Variants in CSMD3 observed in about 807,000 individuals in gnomAD.
CSMD3 encodes the protein CUB and Sushi multiple domains 3, also known as CUB and sushi domain-containing protein 3.
Under a neutral mutation model 435.2 loss-of-function variants are expected in CSMD3, and 177 were observed. The ratio of observed to expected loss-of-function variants is 0.41; its 90% confidence interval spans 0.36 to 0.46. CSMD3 has a LOEUF of 0.46. CSMD3 is among the 20% of genes least tolerant of loss of function. The pLI is 0.34. For missense variants in CSMD3, 4,265 were observed against 4,504.6 expected (o/e 0.95, Z 1.52); for synonymous variants, 1,656 against 1,520.5 (o/e 1.09, Z -2.07).
intron 32 of CSMD3, among the ~76,000 whole-genome samples, chr8:112,419,549 G>A (rs1205432683): frequency 2.0e-5 from 3 of 152,058 alleles, no homozygotes; most frequent in Non-Finnish European, 4.4e-5. Context: ...TTATCTTTCT[G>A]TTAACAATTT....
chr8:112,956,231 TG>T (rs1487217514), intron 7 of CSMD3, among the ~76,000 whole-genome samples: 1 of 152,036 alleles, frequency 6.6e-6, no homozygotes, highest in Non-Finnish European at 1.5e-5. Flanking sequence ...ATTCTTTAAC[TG>T]TGAATCCTTA....
intron 10 of CSMD3, among the ~76,000 whole-genome samples, chr8:112,907,574 C>T (rs2045540): frequency 0.86 from 129,407 of 150,984 alleles, 55,770 homozygotes; most frequent in African/African-American, 0.94. Context: ...ATATATATTA[C>T]AAATAAACAG....
At chr8:113,340,640 G>A (rs1005393356) in intron 1 of CSMD3, among the ~76,000 whole-genome samples, 12 of 151,938 alleles carry the variant, frequency 7.9e-5, no homozygotes, top group Admixed American at 3.3e-4. Context: ...TTTGAGAGGC[G>A]AAGTAGGGTT....
chr8:112,250,410 T>C (rs1454778305), intron 63 of CSMD3, among the ~76,000 whole-genome samples: 1 of 151,696 alleles, frequency 6.6e-6, no homozygotes, highest in African/African-American at 2.4e-5. Flanking sequence ...GATTTAATAA[T>C]TGGTTAAATT....
At chr8:112,604,762 A>G (rs1369444089) in intron 22 of CSMD3, among the ~76,000 whole-genome samples, 2 of 152,218 alleles carry the variant, frequency 1.3e-5, no homozygotes, top group Admixed American at 1.3e-4. Flanking sequence ...AAGCAATAGC[A>G]AGAAATACAA....
intron 36 of CSMD3, among the ~76,000 whole-genome samples, chr8:112,387,843 C>A (rs1830107266): frequency 6.6e-6 from 1 of 152,114 alleles, no homozygotes; most frequent in Non-Finnish European, 1.5e-5. Flanking sequence ...GTCAAAACTC[C>A]ACTTGTGCAA....
intron 22 of CSMD3, among the ~76,000 whole-genome samples, chr8:112,610,288 T>C (rs556693964): frequency 2.0e-5 from 3 of 151,796 alleles, no homozygotes; most frequent in Non-Finnish European, 2.9e-5. Context: ...ATATCTTGAA[T>C]ACATGCAAGT....
intron 12 of CSMD3, 51 bp from the exon 13 acceptor site, chr8:112,800,325 T>G (rs1373708922): frequency 1.8e-6 from 2 of 1,121,682 alleles, no homozygotes; most frequent in Admixed American, 3.4e-5. Flanking sequence ...AAACATCCTC[T>G]GCATACAAAT....
At chr8:113,198,381 G>A (rs2092682640) in intron 3 of CSMD3, among the ~76,000 whole-genome samples, 1 of 151,068 alleles carries the variant, frequency 6.6e-6, no homozygotes, top group Admixed American at 6.6e-5. Flanking sequence ...TTGGAGTTGA[G>A]ACCAAAATTG....
At chr8:112,494,801 C>T (rs1300271871) in intron 30 of CSMD3, among the ~76,000 whole-genome samples, 1 of 152,000 alleles carries the variant, frequency 6.6e-6, no homozygotes, top group Non-Finnish European at 1.5e-5. Flanking sequence ...GAATAAGGAA[C>T]AGATTAGGTA....
intron 42 of CSMD3, among the ~76,000 whole-genome samples, chr8:112,339,515 G>A (rs531710694): frequency 3.9e-5 from 6 of 152,150 alleles, no homozygotes; most frequent in East Asian, 1.9e-4. Context: ...CTCTGCTTTC[G>A]TTCTTTTGTT....
intron 27 of CSMD3, among the ~76,000 whole-genome samples, chr8:112,539,774 G>T (rs1247867568): frequency 3.9e-5 from 6 of 152,048 alleles, no homozygotes; most frequent in Admixed American, 1.3e-4. Context: ...AGACCTAAAT[G>T]TAAGTCCTTA....
At chr8:112,417,860 C>T (rs550194243) in intron 32 of CSMD3, among the ~76,000 whole-genome samples, 32 of 152,202 alleles carry the variant, frequency 2.1e-4, no homozygotes, top group Admixed American at 7.2e-4. Context: ...AGAAGGAAGT[C>T]GGTGCAGAAA....
At chr8:113,277,210 ATAGTGTTT>A (rs2093578036) in intron 3 of CSMD3, among the ~76,000 whole-genome samples, 1 of 152,030 alleles carries the variant, frequency 6.6e-6, no homozygotes, top group Non-Finnish European at 1.5e-5. Context: ...CTTTGTGGTT[ATAGTGTTT>A]TAAACTATGA....
At chr8:112,390,872 GA>G in intron 35 of CSMD3, 84 bp from the exon 36 acceptor site, 1 of 1,242,734 alleles carries the variant, frequency 8.0e-7, no homozygotes, top group East Asian at 2.4e-5. Context: ...TAACATCTTA[GA>G]CAGATACTAG....
chr8:112,524,499 C>T (rs965211994), intron 27 of CSMD3, among the ~76,000 whole-genome samples: 4 of 152,016 alleles, frequency 2.6e-5, no homozygotes, highest in Non-Finnish European at 5.9e-5. Flanking sequence ...AGGTACCGTG[C>T]CAAGTTATGG....
At chr8:112,533,520 G>T (rs1825743889) in intron 27 of CSMD3, among the ~76,000 whole-genome samples, 1 of 151,740 alleles carries the variant, frequency 6.6e-6, no homozygotes, top group African/African-American at 2.4e-5. Flanking sequence ...AGATACAAAG[G>T]AATTCATTAT....
At chr8:113,220,189 G>A (rs117180292) in intron 3 of CSMD3, among the ~76,000 whole-genome samples, 4,214 of 151,420 alleles carry the variant, frequency 0.028, 82 homozygotes, top group Non-Finnish European at 0.039. Flanking sequence ...TCATAGATCC[G>A]TTTGATGAAA....
At position 113,278,706 on chromosome 8, in the gene CSMD3, TA is replaced by T. The variant is rs1215135844; in HGVS notation, c.402-3del. ...GGTGGCAGATGGAATCCTGTTAACC[TA>T]AAACAAAATGGAATTAATTGTTAGA... On this transcript the variant is annotated splice_polypyrimidine_tract_variant and splice_region_variant and intron_variant, in intron 2 of 70. Transcript: ENST00000297405. 1 of 1,343,028 alleles carries T rather than the reference TA, an allele frequency of 7.4e-7. No individual in the cohort carries two copies. Among genetic ancestry groups the T allele is most frequent in the East Asian group, 2.3e-5 (1 of 43,524 alleles). The allele number at this position is 1,343,028 out of a possible 1,614,324, so 83.2% of individuals were successfully genotyped here.
Sources: allele counts gnomAD v4.1 joint callset (sites outside exome capture counted in the v4.1 genomes callset), GRCh38; gene constraint gnomAD v4.1.1; transcripts MANE v1.5; gene names NCBI Gene and HGNC (gene_info 2026-07-23, HGNC 2026-07-21).